Variants in SYT1 observed in about 807,000 individuals in gnomAD.
The protein encoded by SYT1 is synaptotagmin-1.
SYT1 carries 8 observed loss-of-function variants against 44.8 expected under a neutral mutation model. That is an observed-to-expected ratio of 0.18 (90% CI 0.10 to 0.32). The LOEUF (loss-of-function observed/expected upper bound fraction) is 0.32. SYT1 is among the 10% of genes least tolerant of loss of function. SYT1 has a pLI of 1.00. For missense variants in SYT1, 286 were observed against 509.3 expected, an observed-to-expected ratio of 0.56 and a Z score of 4.22; for synonymous variants, 154 against 188.8, an observed-to-expected ratio of 0.82 and a Z score of 1.51.
chr12:79,136,957 G>T (rs1869230553), intron 3 of SYT1, among the ~76,000 whole-genome samples: 1 of 152,092 alleles, frequency 6.6e-6, no homozygotes, highest in Admixed American at 6.6e-5. Context: ...TGCAAGGTAT[G>T]GGTAGTTATT....
chr12:79,194,171 GTC>G (rs1221794051), intron 3 of SYT1, among the ~76,000 whole-genome samples: 21 of 152,004 alleles, frequency 1.4e-4, no homozygotes, highest in Non-Finnish European at 1.5e-5. Flanking sequence ...GATTTTTCCT[GTC>G]TCTCAGTAAA....
At chr12:78,955,467 G>A (rs531619788) in intron 1 of SYT1, 1 of 152,222 alleles carries the variant, frequency 6.6e-6, no homozygotes, top group Admixed American at 6.6e-5. Flanking sequence ...TACAGTTCTG[G>A]AAGCTGGAAA....
chr12:78,931,228 AAAGAAAGAAAG>A lies in SYT1; in HGVS notation c.-216-46567_-216-46557del, dbSNP rs1565723378. ...GAAAGAAAGAAAGAAAGAAAGAAAGAAAGAAAGAAAGAAGGAAGGAAGGAAGGAAGGAAGGA... is the reference window on the plus strand; with the variant it reads ...GAAAGAAAGAAAGAAAGAAAGAAAGAAAGGAAGGAAGGAAGGAAGGAAGGA... On this transcript the variant is annotated intron_variant, in intron 1 of 10. Coordinates refer to ENST00000261205, the MANE Select transcript of SYT1 (RefSeq NM_005639.3). Among the ~76,000 whole-genome samples the A allele has an allele frequency of 3.8e-3, 242 of 64,196 alleles. 8 individuals carry two copies. Among genetic ancestry groups the A allele is most frequent in the African/African-American group, 0.013 (150 of 11,596 alleles). The allele number at this position is 64,196 out of a possible 152,430, so 42.1% of individuals were successfully genotyped here.
At chr12:79,307,574 G>T (rs1259656479) in intron 8 of SYT1, among the ~76,000 whole-genome samples, 6 of 150,742 alleles carry the variant, frequency 4.0e-5, no homozygotes, top group African/African-American at 1.5e-4. Flanking sequence ...CGGGGCGCCT[G>T]GCCCTGGGCG....
intron 9 of SYT1, among the ~76,000 whole-genome samples, chr12:79,364,804 G>C (rs532404981): frequency 6.6e-6 from 1 of 152,072 alleles, no homozygotes; most frequent in Non-Finnish European, 1.5e-5. Context: ...TGCACATTTC[G>C]TGATAGTGCA....
chr12:79,141,614 G>A (rs1227231958), intron 3 of SYT1, among the ~76,000 whole-genome samples: 1 of 152,108 alleles, frequency 6.6e-6, no homozygotes, highest in Non-Finnish European at 1.5e-5. Context: ...ACAAAGAGGA[G>A]TCATTGAATA....
At chr12:78,983,164 A>G (rs568524697) in intron 2 of SYT1, among the ~76,000 whole-genome samples, 1 of 152,148 alleles carries the variant, frequency 6.6e-6, no homozygotes, top group South Asian at 2.1e-4. Context: ...ATTGCCCTCA[A>G]ATTAATATAA....
At chr12:79,373,319 T>C (rs979694123) in intron 9 of SYT1, among the ~76,000 whole-genome samples, 3 of 152,276 alleles carry the variant, frequency 2.0e-5, no homozygotes, top group Admixed American at 1.3e-4. Flanking sequence ...TACATTTACT[T>C]GTAGGTTTGT....
intron 1 of SYT1, among the ~76,000 whole-genome samples, chr12:78,930,110 G>A (rs999765914): frequency 5.3e-5 from 8 of 152,090 alleles, no homozygotes; most frequent in African/African-American, 1.9e-4. Context: ...ACTGCATAGT[G>A]ACTACAGATA....
intron 1 of SYT1, among the ~76,000 whole-genome samples, chr12:78,871,643 A>G (rs937914132): frequency 6.6e-6 from 1 of 151,976 alleles, no homozygotes; most frequent in Non-Finnish European, 1.5e-5. Context: ...AGCTCTAGCA[A>G]TCAGGTTTTG....
chr12:79,440,969 G>T (rs903490307), intron 9 of SYT1, among the ~76,000 whole-genome samples: 1 of 152,140 alleles, frequency 6.6e-6, no homozygotes, highest in Non-Finnish European at 1.5e-5. Context: ...TCAATACAGT[G>T]AAAGAACTAG....
chr12:79,271,949 T>C (rs1878449402), intron 4 of SYT1, among the ~76,000 whole-genome samples: 1 of 152,226 alleles, frequency 6.6e-6, no homozygotes, highest in African/African-American at 2.4e-5. Flanking sequence ...TTTATACCCA[T>C]CTAACATAAA....
At chr12:79,400,336 C>T (rs1043771362) in intron 9 of SYT1, among the ~76,000 whole-genome samples, 1 of 152,118 alleles carries the variant, frequency 6.6e-6, no homozygotes, top group African/African-American at 2.4e-5. Flanking sequence ...AGATGATATG[C>T]ACAGAATCAA....
At chr12:78,905,700 AC>A (rs980417728) in intron 1 of SYT1, among the ~76,000 whole-genome samples, 3 of 152,116 alleles carry the variant, frequency 2.0e-5, no homozygotes, top group Non-Finnish European at 4.4e-5. Flanking sequence ...AAACCTAAAT[AC>A]CTGAACATTG....
chr12:79,025,970 G>T (rs915196413), intron 2 of SYT1, among the ~76,000 whole-genome samples: 1 of 151,542 alleles, frequency 6.6e-6, no homozygotes, highest in African/African-American at 2.4e-5. Flanking sequence ...CTCAGTGCTA[G>T]ATATAAGATA....
At chr12:79,377,773 C>A (rs1254283056) in intron 9 of SYT1, among the ~76,000 whole-genome samples, 1 of 152,120 alleles carries the variant, frequency 6.6e-6, no homozygotes, top group African/African-American at 2.4e-5. Context: ...TATCCAGGGT[C>A]AGGAAGACCT....
intron 3 of SYT1, among the ~76,000 whole-genome samples, chr12:79,197,418 G>A (rs1480262093): frequency 6.6e-6 from 1 of 152,162 alleles, no homozygotes; most frequent in Non-Finnish European, 1.5e-5. Context: ...TGATGGGCTA[G>A]CTCTAAGTGA....
chr12:79,196,770 T>C (rs1873488464), intron 3 of SYT1, among the ~76,000 whole-genome samples: 1 of 152,188 alleles, frequency 6.6e-6, no homozygotes, highest in Non-Finnish European at 1.5e-5. Context: ...AGAGAGTCAA[T>C]CAATTAGGGA....
At chr12:79,337,667 A>C (rs117309846) in intron 8 of SYT1, among the ~76,000 whole-genome samples, 399 of 152,048 alleles carry the variant, frequency 2.6e-3, no homozygotes, top group Non-Finnish European at 4.3e-3. Context: ...CAGAGTTAAA[A>C]GTACTAAACA....
Sources: allele counts gnomAD v4.1 joint callset (sites outside exome capture counted in the v4.1 genomes callset), GRCh38; gene constraint gnomAD v4.1.1; transcripts MANE v1.5; gene names NCBI Gene and HGNC (gene_info 2026-07-23, HGNC 2026-07-21).